CAMKMT: variants seen among roughly 807,000 people sequenced by gnomAD.
The protein encoded by CAMKMT is CaM KMT.
A neutral mutation model predicts 48.0 loss-of-function variants in CAMKMT; 53 were observed. The observed-to-expected ratio is 1.10, with a 90% confidence interval of 0.89 to 1.39. The LOEUF (loss-of-function observed/expected upper bound fraction) is 1.39, where lower values mean the gene tolerates loss of function less well. Among genes scored for constraint, CAMKMT ranks in the 40% most tolerant of loss-of-function variants. The pLI, the probability that CAMKMT is intolerant of heterozygous loss-of-function variation, is 0.00. For synonymous variants in CAMKMT, 165 were observed against 152.3 expected, an observed-to-expected ratio of 1.08 and a Z score of -0.61; for missense variants, 428 against 402.7, an observed-to-expected ratio of 1.06 and a Z score of -0.54.
intron 2 of CAMKMT, among the ~76,000 whole-genome samples, chr2:44,374,367 A>G (rs890821794): frequency 6.6e-6 from 1 of 152,334 alleles, no homozygotes; most frequent in Non-Finnish European, 1.5e-5. Context: ...GATCCTTACA[A>G]TAACTTTGTG....
At chr2:44,497,390 G>A (rs1188514629) in intron 3 of CAMKMT, among the ~76,000 whole-genome samples, 6 of 152,010 alleles carry the variant, frequency 3.9e-5, no homozygotes, top group Non-Finnish European at 8.8e-5. Flanking sequence ...AAAAATGAAT[G>A]TGTACATTTC....
chr2:44,388,602 G>T (rs1051452345), intron 2 of CAMKMT, among the ~76,000 whole-genome samples: 6 of 152,116 alleles, frequency 3.9e-5, no homozygotes, highest in Non-Finnish European at 8.8e-5. Flanking sequence ...ACATTAACAG[G>T]GTTGTTTTTC....
At chr2:44,456,574 C>G (rs1179149037) in intron 3 of CAMKMT, 5 of 1,549,748 alleles carry the variant, frequency 3.2e-6, no homozygotes, top group Non-Finnish European at 4.4e-6. Context: ...TTAGGGGAAG[C>G]AACCAGGGGA....
chr2:44,543,830 T>C (rs1397083221), intron 3 of CAMKMT, among the ~76,000 whole-genome samples: 2 of 152,204 alleles, frequency 1.3e-5, no homozygotes, highest in East Asian at 3.8e-4. Flanking sequence ...CAGAATACTA[T>C]TTTAGTAGCA....
chr2:44,391,622 G>A (rs11883964), intron 3 of CAMKMT, among the ~76,000 whole-genome samples: 3,184 of 152,128 alleles, frequency 0.021, 108 homozygotes, highest in African/African-American at 0.071. Context: ...GTTAAATGTG[G>A]AATTTTTGAT....
At chr2:44,656,404 G>A (rs1315148191) in intron 3 of CAMKMT, among the ~76,000 whole-genome samples, 1 of 151,818 alleles carries the variant, frequency 6.6e-6, no homozygotes, top group African/African-American at 2.4e-5. Context: ...CTGAAAGTAT[G>A]TTTAGAAGGC....
chr2:44,718,177 C>G (rs1167988998), intron 7 of CAMKMT, among the ~76,000 whole-genome samples: 1 of 152,176 alleles, frequency 6.6e-6, no homozygotes, highest in African/African-American at 2.4e-5. Flanking sequence ...AGTCAATCCA[C>G]CTCTGCTGTC....
At chr2:44,664,502 A>G (rs1017496531) in intron 3 of CAMKMT, among the ~76,000 whole-genome samples, 1 of 152,242 alleles carries the variant, frequency 6.6e-6, no homozygotes, top group Non-Finnish European at 1.5e-5. Context: ...TTCGGTAATC[A>G]GTGTCCTATT....
chr2:44,747,350 G>A (rs1679963916), intron 8 of CAMKMT, among the ~76,000 whole-genome samples: 1 of 152,084 alleles, frequency 6.6e-6, no homozygotes, highest in South Asian at 2.1e-4. Flanking sequence ...TTCAGATGCT[G>A]TGATCATGGA....
chr2:44,603,945 T>C (rs185769347), intron 3 of CAMKMT, among the ~76,000 whole-genome samples: 82 of 152,318 alleles, frequency 5.4e-4, no homozygotes, highest in Non-Finnish European at 9.4e-4. Flanking sequence ...CCAACACTAA[T>C]AAGATGGTCA....
At chr2:44,573,409 A>G (rs1313799460) in intron 3 of CAMKMT, among the ~76,000 whole-genome samples, 1 of 151,256 alleles carries the variant, frequency 6.6e-6, no homozygotes, top group African/African-American at 2.4e-5. Flanking sequence ...TTTAGTGTAT[A>G]TTATCTTTTA....
chr2:44,460,807 C>G (rs1001208438), intron 3 of CAMKMT, among the ~76,000 whole-genome samples: 1 of 150,052 alleles, frequency 6.7e-6, no homozygotes, highest in Non-Finnish European at 1.5e-5. Context: ...ACTGCAACCT[C>G]CACTTCCCAG....
intron 3 of CAMKMT, among the ~76,000 whole-genome samples, chr2:44,421,396 C>T (rs1015469035): frequency 6.6e-6 from 1 of 152,002 alleles, no homozygotes; most frequent in Admixed American, 6.6e-5. Context: ...AACTAAAGAT[C>T]CTCTCTCAGC....
chr2:44,373,668 A>G (rs943385393), intron 2 of CAMKMT, among the ~76,000 whole-genome samples: 7 of 152,194 alleles, frequency 4.6e-5, no homozygotes, highest in Admixed American at 6.5e-5. Flanking sequence ...TAAGAAAAAA[A>G]TTTTCACAAA....
At chr2:44,769,572 A>G (rs1241422321) in intron 10 of CAMKMT, among the ~76,000 whole-genome samples, 1 of 152,234 alleles carries the variant, frequency 6.6e-6, no homozygotes, top group Non-Finnish European at 1.5e-5. Flanking sequence ...TCGAGATTAC[A>G]GCTGGCTTGA....
At chr2:44,743,096 G>C (rs543597284) in intron 7 of CAMKMT, among the ~76,000 whole-genome samples, 4 of 152,262 alleles carry the variant, frequency 2.6e-5, no homozygotes, top group Admixed American at 1.3e-4. Context: ...GTGTCAGTGT[G>C]GGTGAATTTT....
At position 44,653,705 on chromosome 2, in the gene CAMKMT, CT is replaced by C. The variant is rs1322857287; in HGVS notation, c.377-50574del. Reference sequence around the variant, plus strand: ...AAGATTAATGAAAAATTTTATCCCCCTTTTAAGTAAATTAATCTTTTGGGAT... The same window carrying C: ...AAGATTAATGAAAAATTTTATCCCCCTTTAAGTAAATTAATCTTTTGGGAT... On this transcript the variant is annotated intron_variant, in intron 3 of 10. Coordinates refer to ENST00000378494, the MANE Select transcript of CAMKMT (RefSeq NM_024766.5). The surrounding 1 kb of genome is among the most constrained non-coding windows in gnomAD (Gnocchi z 5.2). Among the ~76,000 whole-genome samples, 3 of 152,130 alleles carry C rather than the reference CT, an allele frequency of 2.0e-5. No individual in the cohort carries two copies. Among genetic ancestry groups the C allele is most frequent in the Non-Finnish European group, 2.9e-5 (2 of 68,024 alleles).
intron 9 of CAMKMT, among the ~76,000 whole-genome samples, chr2:44,758,851 G>GTTGTC (rs1395187327): frequency 6.6e-6 from 1 of 152,168 alleles, no homozygotes; most frequent in African/African-American, 2.4e-5. Context: ...CCAACAAATG[G>GTTGTC]TATCTACTAA....
At chr2:44,600,837 A>T (rs1013285217) in intron 3 of CAMKMT, among the ~76,000 whole-genome samples, 1 of 152,126 alleles carries the variant, frequency 6.6e-6, no homozygotes, top group East Asian at 1.9e-4. Context: ...TTTCTATCAG[A>T]TGGAGATTAA....
Sources: allele counts gnomAD v4.1 joint callset (sites outside exome capture counted in the v4.1 genomes callset), GRCh38; gene constraint gnomAD v4.1.1; non-coding constraint Gnocchi (gnomAD v3.1); transcripts MANE v1.5; gene names NCBI Gene and HGNC (gene_info 2026-07-23, HGNC 2026-07-21).